Variants in FMN2 observed in about 807,000 individuals in gnomAD.
The protein encoded by FMN2 is formin-2.
Under a neutral mutation model 142.3 loss-of-function variants are expected in FMN2, and 51 were observed. The ratio of observed to expected loss-of-function variants is 0.36; its 90% CI spans 0.29 to 0.45. The LOEUF is 0.45. Among genes scored for constraint, FMN2 ranks in the 20% least tolerant of loss-of-function variants. The probability of loss-of-function intolerance (pLI) is 1.00; values close to 1 mark genes in which losing one functional copy is unlikely to be tolerated. For synonymous variants in FMN2, 882 were observed against 869.8 expected (o/e 1.01, Z -0.25); for missense variants, 1,936 against 2,122.8 (o/e 0.91, Z 1.73).
At chr1:240,166,013 GC>G (rs1055336216) in intron 2 of FMN2, among the ~76,000 whole-genome samples, 31 of 151,954 alleles carry the variant, frequency 2.0e-4, no homozygotes, top group African/African-American at 7.0e-4. Flanking sequence ...GCCAACCTCC[GC>G]TCACTAGGTC....
intron 15 of FMN2, among the ~76,000 whole-genome samples, chr1:240,432,530 A>G (rs902467615): frequency 2.6e-5 from 4 of 151,762 alleles, no homozygotes; most frequent in Non-Finnish European, 2.9e-5. Flanking sequence ...CTATTCTTCT[A>G]CTAAGTTGGG....
intron 14 of FMN2, among the ~76,000 whole-genome samples, chr1:240,362,690 C>A (rs1672532575): frequency 6.6e-6 from 1 of 152,098 alleles, no homozygotes; most frequent in Admixed American, 6.6e-5. Flanking sequence ...CCTTTGTTGG[C>A]CTTCAGTGCT....
intron 14 of FMN2, among the ~76,000 whole-genome samples, chr1:240,361,141 GTATA>G (rs202070560): frequency 0.048 from 2,040 of 42,330 alleles, 36 homozygotes; most frequent in Middle Eastern, 0.11. Context: ...AAATATATGT[GTATA>G]TATATATATA....
intron 1 of FMN2, among the ~76,000 whole-genome samples, chr1:240,106,381 A>C (rs1661609008): frequency 1.3e-5 from 2 of 152,184 alleles, no homozygotes; most frequent in Admixed American, 1.3e-4. Flanking sequence ...TCTCTTGTGA[A>C]TTTCAGGTGC....
At chr1:240,184,236 CTTTTTTTT>C (rs34050336) in intron 3 of FMN2, among the ~76,000 whole-genome samples, 4 of 79,438 alleles carry the variant, frequency 5.0e-5, no homozygotes, top group African/African-American at 1.0e-4. Flanking sequence ...AATATTTAAC[CTTTTTTTT>C]TTTTTTTTTT....
intron 16 of FMN2, chr1:240,457,491 C>T (rs948846196): frequency 6.6e-6 from 1 of 152,148 alleles, no homozygotes; most frequent in Non-Finnish European, 1.5e-5. Context: ...AATTCCTGCC[C>T]TGGTGGAGCT....
intron 2 of FMN2, among the ~76,000 whole-genome samples, chr1:240,158,998 A>G (rs1489210729): frequency 6.6e-6 from 1 of 152,198 alleles, no homozygotes; most frequent in Non-Finnish European, 1.5e-5. Context: ...TAAAACTGCT[A>G]TAAAACATTA....
intron 15 of FMN2, among the ~76,000 whole-genome samples, chr1:240,414,708 AT>A (rs1427031474): frequency 1.3e-5 from 2 of 152,202 alleles, no homozygotes; most frequent in African/African-American, 4.8e-5. Flanking sequence ...CACTGGTATT[AT>A]TTACAAGTAT....
chr1:240,257,808 C>A (rs1394129783), intron 6 of FMN2, 137 bp from the exon 7 acceptor site: 3 of 670,008 alleles, frequency 4.5e-6, no homozygotes, highest in Non-Finnish European at 7.5e-6. Flanking sequence ...TTAAAAAAAA[C>A]ACTGTTTTGA....
At chr1:240,142,499 A>ATTTATTTATAT (rs1558316728) in intron 2 of FMN2, among the ~76,000 whole-genome samples, 199 of 22,952 alleles carry the variant, frequency 8.7e-3, no homozygotes, top group African/African-American at 0.045. Context: ...ATTTATTTAT[A>ATTTATTTATAT]TTTTTTGGGG....
At position 240,178,694 on chromosome 1, in the gene FMN2, A is replaced by G. The variant is rs531958300; in HGVS notation, c.1930+626A>G. 7.4e-4 allele frequency among the ~76,000 whole-genome samples: 112 copies of G among 152,162 alleles called. 1 individual carries two copies. The highest frequency in any genetic ancestry group is 2.6e-3 in the African/African-American group (107 of 41,524). On this transcript the variant is annotated intron_variant, in intron 3 of 17. Transcript: ENST00000319653. ...AGCAGTTCTCCTACCTCGGTCTCCTAAAGTGCTGGAATTACAGGCATGAGC... is the reference window on the plus strand; with the variant it reads ...AGCAGTTCTCCTACCTCGGTCTCCTGAAGTGCTGGAATTACAGGCATGAGC...
At chr1:240,409,211 C>T (rs181141957) in intron 15 of FMN2, among the ~76,000 whole-genome samples, 1 of 152,110 alleles carries the variant, frequency 6.6e-6, no homozygotes, top group Non-Finnish European at 1.5e-5. Context: ...GGTGGGATTT[C>T]AGCTCCCTGC....
rs868837602 is a variant in FMN2, at chr1:240,127,760, A to T, written c.1782+4415A>T. ...CTCCCAAAATGCTGGGATTATAGAC[A>T]TAAGCCACCATGCCCGGCCCCCAGC... On this transcript the variant is annotated intron_variant, in intron 2 of 17. Transcript: ENST00000319653. 7.2e-5 allele frequency among the ~76,000 whole-genome samples: 11 copies of T among 152,316 alleles called. 1 individual carries two copies. The South Asian group carries it at 2.3e-3, about 32-fold the overall frequency.
chr1:240,317,683 TACAC>T (rs1325525381), intron 8 of FMN2, among the ~76,000 whole-genome samples: 5 of 152,102 alleles, frequency 3.3e-5, no homozygotes, highest in Non-Finnish European at 7.3e-5. Context: ...TTTTGGGTAT[TACAC>T]ACAAAACTGT....
chr1:240,368,204 C>A (rs1672747283), intron 14 of FMN2, among the ~76,000 whole-genome samples: 1 of 152,114 alleles, frequency 6.6e-6, no homozygotes, highest in African/African-American at 2.4e-5. Flanking sequence ...ATTTATGCCT[C>A]CTCTTGGTAG....
intron 8 of FMN2, among the ~76,000 whole-genome samples, chr1:240,319,399 G>T (rs1185837826): frequency 6.6e-6 from 1 of 152,154 alleles, no homozygotes; most frequent in African/African-American, 2.4e-5. Flanking sequence ...TTCCTTGGGG[G>T]ATATCTTTCT....
intron 15 of FMN2, among the ~76,000 whole-genome samples, chr1:240,427,727 T>TG (rs1675008965): frequency 6.6e-6 from 1 of 152,158 alleles, no homozygotes; most frequent in Non-Finnish European, 1.5e-5. Flanking sequence ...TTTCACACGA[T>TG]CCTCTGTCTT....
intron 6 of FMN2, among the ~76,000 whole-genome samples, chr1:240,257,572 G>GA (rs1668489175): frequency 6.6e-6 from 1 of 152,106 alleles, no homozygotes; most frequent in Non-Finnish European, 1.5e-5. Context: ...CACATTGAAA[G>GA]AAAAAAGAAC....
intron 14 of FMN2, among the ~76,000 whole-genome samples, chr1:240,360,262 T>C (rs1481739035): frequency 6.6e-6 from 1 of 152,178 alleles, no homozygotes; most frequent in East Asian, 1.9e-4. Context: ...CCTCACCTTA[T>C]ACCTCGATGA....
Sources: allele counts gnomAD v4.1 joint callset (sites outside exome capture counted in the v4.1 genomes callset), GRCh38; gene constraint gnomAD v4.1.1; transcripts MANE v1.5; gene names NCBI Gene and HGNC (gene_info 2026-07-23, HGNC 2026-07-21).